GREM2: variants seen among roughly 807,000 people sequenced by gnomAD.
GREM2 encodes the protein gremlin 2, DAN family BMP antagonist, also known as gremlin-2.
In GREM2, 11 loss-of-function variants were observed where a neutral mutation model predicts 14.2. The ratio of observed to expected loss-of-function variants is 0.78; its 90% CI spans 0.49 to 1.28. The LOEUF is 1.28. GREM2 is among the 50% of genes most tolerant of loss of function. The pLI, the probability that GREM2 is intolerant of heterozygous loss-of-function variation, is 0.00. For synonymous variants in GREM2, 98 were observed against 97.6 expected, an observed-to-expected ratio of 1.00 and a Z score of -0.02; for missense variants, 210 against 218.5, an observed-to-expected ratio of 0.96 and a Z score of 0.24.
chr1:240,580,575 T>C (rs1185456128), intron 1 of GREM2, among the ~76,000 whole-genome samples: 1 of 152,166 alleles, frequency 6.6e-6, no homozygotes, highest in Non-Finnish European at 1.5e-5. Context: ...ACATATCCAA[T>C]ATATCCTTCC....
At chr1:240,611,803 C>T (rs3748533) in intron 1 of GREM2, 81 bp downstream of exon 1, 123,046 of 152,562 alleles carry the variant, frequency 0.81, 50,347 homozygotes, top group African/African-American at 0.93. Flanking sequence ...GAACAAACAA[C>T]GTCAATTCAT....
chr1:240,516,996 C>T (rs1448251226), intron 1 of GREM2, among the ~76,000 whole-genome samples: 1 of 152,104 alleles, frequency 6.6e-6, no homozygotes, highest in Non-Finnish European at 1.5e-5. Context: ...CTTCAAATCG[C>T]TTTGTGCCAG....
chr1:240,513,534 C>T (rs1441669115), intron 1 of GREM2, among the ~76,000 whole-genome samples: 1 of 146,154 alleles, frequency 6.8e-6, no homozygotes, highest in East Asian at 2.0e-4. Context: ...GAGATCACAC[C>T]ATTGCACTCC....
chr1:240,605,371 G>A (rs1013057732), intron 1 of GREM2, among the ~76,000 whole-genome samples: 1 of 152,046 alleles, frequency 6.6e-6, no homozygotes, highest in Non-Finnish European at 1.5e-5. Flanking sequence ...CAGCTACTTC[G>A]GAGGCTGAGG....
intron 1 of GREM2, among the ~76,000 whole-genome samples, chr1:240,604,173 C>T (rs1021263904): frequency 4.0e-5 from 6 of 151,858 alleles, no homozygotes; most frequent in African/African-American, 1.5e-4. Flanking sequence ...GGGCACCAAG[C>T]CATTAATGCG....
chr1:240,546,822 C>G (rs1470020463), intron 1 of GREM2, among the ~76,000 whole-genome samples: 1 of 152,018 alleles, frequency 6.6e-6, no homozygotes, highest in Admixed American at 6.6e-5. Context: ...TAGCATCTTA[C>G]ATGTCAGTAA....
chr1:240,516,371 GA>G (rs889063472), intron 1 of GREM2, among the ~76,000 whole-genome samples: 2 of 152,060 alleles, frequency 1.3e-5, no homozygotes, highest in African/African-American at 4.8e-5. Context: ...ATTTGATGTT[GA>G]AAATCCAGTC....
chr1:240,588,015 C>T (rs543252107), intron 1 of GREM2, among the ~76,000 whole-genome samples: 5 of 152,276 alleles, frequency 3.3e-5, no homozygotes, highest in African/African-American at 1.2e-4. Flanking sequence ...ATGGAACCCA[C>T]GGTGCCTGCA....
chr1:240,496,074 T>C (rs1046533348), intron 1 of GREM2, among the ~76,000 whole-genome samples: 3 of 151,958 alleles, frequency 2.0e-5, no homozygotes, highest in African/African-American at 4.8e-5. Context: ...GTAGCTGAGA[T>C]TACAGGCGCG....
intron 1 of GREM2, among the ~76,000 whole-genome samples, chr1:240,557,223 AAAAT>A (rs1678965377): frequency 1.3e-5 from 2 of 151,818 alleles, no homozygotes; most frequent in Middle Eastern, 3.4e-3. Flanking sequence ...AAATACATAA[AAAAT>A]AAATAAAACG....
intron 1 of GREM2, among the ~76,000 whole-genome samples, chr1:240,574,821 T>C (rs1257104848): frequency 6.6e-6 from 1 of 152,036 alleles, no homozygotes; most frequent in African/African-American, 2.4e-5. Context: ...AATAATATTC[T>C]GATCTTGGGC....
At chr1:240,603,836 A>G (rs889889691) in intron 1 of GREM2, among the ~76,000 whole-genome samples, 4 of 150,154 alleles carry the variant, frequency 2.7e-5, no homozygotes, top group Non-Finnish European at 4.4e-5. Context: ...TATGTATTTT[A>G]TATATATATA....
At chr1:240,522,269 G>A (rs935788489) in intron 1 of GREM2, among the ~76,000 whole-genome samples, 3 of 152,112 alleles carry the variant, frequency 2.0e-5, no homozygotes, top group Non-Finnish European at 2.9e-5. Flanking sequence ...CTTTTGAAAC[G>A]TGAATGCCAG....
intron 1 of GREM2, among the ~76,000 whole-genome samples, chr1:240,511,579 C>T (rs1233725235): frequency 1.3e-5 from 2 of 152,056 alleles, no homozygotes; most frequent in Admixed American, 6.6e-5. Flanking sequence ...GGTGAAACCC[C>T]GTCACTACTA....
At chr1:240,517,083 C>T (rs1189703506) in intron 1 of GREM2, among the ~76,000 whole-genome samples, 1 of 152,116 alleles carries the variant, frequency 6.6e-6, no homozygotes, top group South Asian at 2.1e-4. Context: ...TAAGGTAATA[C>T]ATATCAGGCT....
chr1:240,584,640 G>T (rs1679555978), intron 1 of GREM2, among the ~76,000 whole-genome samples: 1 of 152,106 alleles, frequency 6.6e-6, no homozygotes, highest in African/African-American at 2.4e-5. Flanking sequence ...AGCCCAGGAG[G>T]ATAAGGCTGC....
chr1:240,537,748 G>A (rs968620229), intron 1 of GREM2, among the ~76,000 whole-genome samples: 1 of 151,988 alleles, frequency 6.6e-6, no homozygotes, highest in Non-Finnish European at 1.5e-5. Context: ...TGGCGCCACT[G>A]CACTCCAGCC....
At chr1:240,584,735 A>C (rs1363427120) in intron 1 of GREM2, among the ~76,000 whole-genome samples, 1 of 152,086 alleles carries the variant, frequency 6.6e-6, no homozygotes, top group Non-Finnish European at 1.5e-5. Context: ...AAAGCAATGC[A>C]GTATAACAAC....
intron 1 of GREM2, among the ~76,000 whole-genome samples, chr1:240,559,802 A>T (rs981002154): frequency 6.6e-6 from 1 of 152,186 alleles, no homozygotes; most frequent in South Asian, 2.1e-4. Context: ...TTTTGAGAAC[A>T]TTTCTCCCAA....
Sources: gnomAD v4.1 joint callset for allele counts (sites outside exome capture counted in the v4.1 genomes callset) on GRCh38, gnomAD v4.1.1 for gene constraint, MANE v1.5 for transcripts, NCBI Gene and HGNC (gene_info 2026-07-23, HGNC 2026-07-21) for gene names.